SEMA5A: variants seen among roughly 807,000 people sequenced by gnomAD.
SEMA5A encodes semaphorin 5A, also known as semaphorin-5A.
A neutral mutation model predicts 135.5 loss-of-function variants in SEMA5A; 55 were observed. The ratio of observed to expected loss-of-function variants is 0.41; its 90% CI spans 0.33 to 0.51. The LOEUF (loss-of-function observed/expected upper bound fraction) is 0.51. Ranked by LOEUF, SEMA5A falls within the 20% of genes least tolerant of loss-of-function variation. SEMA5A has a pLI of 0.37. For missense variants in SEMA5A, 1,290 were observed against 1,419.9 expected (o/e 0.91, Z 1.47); for synonymous variants, 580 against 546.5 (o/e 1.06, Z -0.85).
chr5:9,055,093 G>A (rs1323961683), intron 18 of SEMA5A, among the ~76,000 whole-genome samples: 1 of 152,188 alleles, frequency 6.6e-6, no homozygotes, highest in Non-Finnish European at 1.5e-5. Flanking sequence ...CTGAATGCTG[G>A]GGTCAGGTGG....
chr5:9,266,602 T>A (rs2150528757), intron 5 of SEMA5A, among the ~76,000 whole-genome samples: 1 of 152,314 alleles, frequency 6.6e-6, no homozygotes, highest in African/African-American at 2.4e-5. Context: ...CAACTTCTTC[T>A]CACCCTCATG....
At chr5:9,255,388 C>A (rs1014727800) in intron 5 of SEMA5A, among the ~76,000 whole-genome samples, 4 of 152,122 alleles carry the variant, frequency 2.6e-5, no homozygotes, top group African/African-American at 7.2e-5. Flanking sequence ...AGGATGAGGA[C>A]CCTCATGTGA....
intron 2 of SEMA5A, among the ~76,000 whole-genome samples, chr5:9,432,484 T>A (rs1184226075): frequency 6.6e-6 from 1 of 152,202 alleles, no homozygotes. Context: ...TTGTCTAGTT[T>A]AAACCCCTCA....
At position 9,545,416 on chromosome 5, in the gene SEMA5A, G is replaced by A. The variant is rs181190216; in HGVS notation, c.-175+168C>T. On this transcript the variant is annotated intron_variant, in intron 1 of 22. Transcript: ENST00000382496. This position sits in a 1 kb window ranked among gnomAD's most constrained non-coding sequence, Gnocchi z 4.5. ...CCGGACTGACGGTCGTCCTAATCCT[G>A]TACGCGCAACCCCCGCCCAGGTGCC... Among the ~76,000 whole-genome samples the A allele has an allele frequency of 6.3e-3, 955 of 152,200 alleles. 10 individuals carry two copies. The highest frequency in any genetic ancestry group is 5.3e-3 in the Non-Finnish European group (363 of 68,002).
At chr5:9,266,785 C>T (rs1048562011) in intron 5 of SEMA5A, among the ~76,000 whole-genome samples, 60 of 152,222 alleles carry the variant, frequency 3.9e-4, no homozygotes, top group African/African-American at 1.3e-3. Context: ...TAACTCACTA[C>T]TGAACCCCAA....
chr5:9,368,285 T>C lies in SEMA5A; in HGVS notation c.124+11538A>G, dbSNP rs187696832. The stretch of plus-strand genomic sequence containing the variant: ...ACGTGATGCCCAAAAATATGTGGCA[T>C]TGTATCCTAACAAACTCAGGCTATT... On this transcript the variant is annotated intron_variant, in intron 3 of 22. Coordinates refer to ENST00000382496, the MANE Select transcript of SEMA5A (RefSeq NM_003966.3). Among the ~76,000 whole-genome samples, 377 of 152,330 alleles carry C rather than the reference T, an allele frequency of 2.5e-3. 1 individual carries two copies. Among genetic ancestry groups the C allele is most frequent in the African/African-American group, 7.4e-3 (307 of 41,574 alleles).
At chr5:9,078,230 C>T (rs183957766) in intron 16 of SEMA5A, among the ~76,000 whole-genome samples, 7 of 152,292 alleles carry the variant, frequency 4.6e-5, no homozygotes, top group Admixed American at 4.6e-4. Flanking sequence ...CTTTGGGAAA[C>T]GTTTCCTTCT....
At chr5:9,153,619 G>GA (rs397996756) in intron 12 of SEMA5A, among the ~76,000 whole-genome samples, 6 of 151,842 alleles carry the variant, frequency 4.0e-5, no homozygotes, top group Non-Finnish European at 8.8e-5. Context: ...GGAGGGGGGG[G>GA]TGTCCCGGAA....
At chr5:9,225,532 G>C (rs1747255939) in intron 7 of SEMA5A, among the ~76,000 whole-genome samples, 1 of 145,422 alleles carries the variant, frequency 6.9e-6, no homozygotes, top group Non-Finnish European at 1.5e-5. Context: ...TCGTGCCGCT[G>C]CATTCCAGCC....
intron 2 of SEMA5A, among the ~76,000 whole-genome samples, chr5:9,424,076 C>A (rs1757561653): frequency 1.3e-5 from 2 of 152,078 alleles, no homozygotes; most frequent in South Asian, 4.1e-4. Flanking sequence ...CTGGAAAAAT[C>A]ATTATAACCT....
chr5:9,295,857 G>A (rs1039461337), intron 5 of SEMA5A, among the ~76,000 whole-genome samples: 1 of 152,106 alleles, frequency 6.6e-6, no homozygotes, highest in Non-Finnish European at 1.5e-5. Context: ...TCTTTATTTT[G>A]TTATATATCT....
intron 8 of SEMA5A, among the ~76,000 whole-genome samples, chr5:9,212,360 T>C (rs1193152650): frequency 6.6e-6 from 1 of 152,222 alleles, no homozygotes; most frequent in African/African-American, 2.4e-5. Flanking sequence ...TTTTAATGCA[T>C]TAAAGCTGTT....
At chr5:9,308,422 G>A (rs1026198524) in intron 5 of SEMA5A, among the ~76,000 whole-genome samples, 3 of 152,142 alleles carry the variant, frequency 2.0e-5, no homozygotes, top group Non-Finnish European at 4.4e-5. Context: ...ATGCTCTAGA[G>A]CTGCATCTGG....
intron 5 of SEMA5A, among the ~76,000 whole-genome samples, chr5:9,240,977 T>A (rs747810237): frequency 6.6e-6 from 1 of 152,146 alleles, no homozygotes; most frequent in Non-Finnish European, 1.5e-5. Flanking sequence ...TTAATTTTTG[T>A]CATCTTTTGT....
chr5:9,535,607 G>A (rs753043741), intron 1 of SEMA5A, among the ~76,000 whole-genome samples: 1 of 151,992 alleles, frequency 6.6e-6, no homozygotes, highest in Non-Finnish European at 1.5e-5. Flanking sequence ...GATCGGCAGA[G>A]TGGGAATACT....
intron 1 of SEMA5A, among the ~76,000 whole-genome samples, chr5:9,491,858 A>G (rs766104615): frequency 1.3e-5 from 2 of 152,222 alleles, no homozygotes; most frequent in Non-Finnish European, 2.9e-5. Context: ...CAATATATGC[A>G]TTGTAAGAAG....
At chr5:9,154,429 C>G (rs1742835831) in intron 12 of SEMA5A, 59 bp downstream of exon 12, 1 of 1,551,530 alleles carries the variant, frequency 6.4e-7, no homozygotes, top group Non-Finnish European at 8.9e-7. Flanking sequence ...CTCCCTGGCT[C>G]TCTCTGGGTG....
intron 11 of SEMA5A, among the ~76,000 whole-genome samples, chr5:9,159,747 G>A (rs146426671): frequency 0.01 from 1,545 of 152,238 alleles, 23 homozygotes; most frequent in African/African-American, 0.035. Flanking sequence ...AAAGCCACAC[G>A]CACACATATG....
intron 4 of SEMA5A, among the ~76,000 whole-genome samples, chr5:9,335,054 A>T (rs528619856): frequency 6.6e-6 from 1 of 152,242 alleles, no homozygotes; most frequent in Non-Finnish European, 1.5e-5. Flanking sequence ...GATGGAAGCC[A>T]CAAGACACAT....
Sources: allele counts gnomAD v4.1 joint callset (sites outside exome capture counted in the v4.1 genomes callset), GRCh38; gene constraint gnomAD v4.1.1; non-coding constraint Gnocchi (gnomAD v3.1); transcripts MANE v1.5; gene names NCBI Gene and HGNC (gene_info 2026-07-23, HGNC 2026-07-21).